CADPS: variants seen among roughly 807,000 people sequenced by gnomAD.
The protein encoded by CADPS is calcium-dependent secretion activator 1.
In CADPS, 57 loss-of-function variants were observed where a neutral mutation model predicts 167.3. The observed-to-expected ratio is 0.34, with a 90% CI of 0.28 to 0.42. The LOEUF (loss-of-function observed/expected upper bound fraction) is 0.42, where lower values mean the gene tolerates loss of function less well. CADPS is among the 20% of genes least tolerant of loss of function. The probability of loss-of-function intolerance (pLI) is 1.00; values close to 1 mark genes in which losing one functional copy is unlikely to be tolerated. For missense variants in CADPS, 1,414 were observed against 1,738.1 expected, an observed-to-expected ratio of 0.81 and a Z score of 3.32; for synonymous variants, 676 against 635.3, an observed-to-expected ratio of 1.06 and a Z score of -0.96.
chr3:62,832,105 G>C (rs2075195454), intron 1 of CADPS, among the ~76,000 whole-genome samples: 1 of 152,180 alleles, frequency 6.6e-6, no homozygotes, highest in African/African-American at 2.4e-5. Flanking sequence ...GACCTATTGG[G>C]TTAAGAGTTA....
At chr3:62,417,543 C>T (rs946819564) in intron 28 of CADPS, among the ~76,000 whole-genome samples, 1 of 151,894 alleles carries the variant, frequency 6.6e-6, no homozygotes, top group Non-Finnish European at 1.5e-5. Context: ...CCTCGGCCTC[C>T]CAAAGTGTTG....
At chr3:62,840,089 T>G (rs2076431930) in intron 1 of CADPS, among the ~76,000 whole-genome samples, 2 of 152,328 alleles carry the variant, frequency 1.3e-5, no homozygotes, top group South Asian at 4.1e-4. Flanking sequence ...ATCATGTTCA[T>G]GGACTGCTTC....
chr3:62,498,231 C>T (rs62243490), intron 18 of CADPS: 16,073 of 455,906 alleles, frequency 0.035, 352 homozygotes, highest in Non-Finnish European at 0.044. Context: ...AGGCATTAGT[C>T]GGGACGGCTG....
chr3:62,525,679 ATG>A (rs34729200), intron 13 of CADPS, among the ~76,000 whole-genome samples: 88,268 of 148,716 alleles, frequency 0.59, 26,666 homozygotes, highest in Middle Eastern at 0.67. Context: ...TAATGTCATT[ATG>A]TGTGTGTGTG....
At chr3:62,847,412 A>C (rs1306348270) in intron 1 of CADPS, among the ~76,000 whole-genome samples, 1 of 58,330 alleles carries the variant, frequency 1.7e-5, no homozygotes, top group East Asian at 6.8e-4. Context: ...ATATCTCCCA[A>C]TGCTATCCCT....
chr3:62,693,661 C>T (rs975716115), intron 3 of CADPS, among the ~76,000 whole-genome samples: 7 of 151,590 alleles, frequency 4.6e-5, no homozygotes, highest in Non-Finnish European at 8.8e-5. Context: ...GGCGCATGCC[C>T]GTAGTCCCAG....
rs115781450 is a variant in CADPS, at chr3:62,443,623, G to A, written c.3669+2142C>T. On this transcript the variant is annotated intron_variant, in intron 27 of 29. Transcript: ENST00000383710. ...TGAGTGAGTTCTCAGGAGATGTCAT[G>A]GTTTTACGGGGGCTTTTTTCCTTTC... is the stretch of plus-strand genomic sequence containing the variant. Among the ~76,000 whole-genome samples, 837 of 152,204 alleles carry A rather than the reference G, an allele frequency of 5.5e-3. 2 individuals are homozygous for A. The highest frequency in any genetic ancestry group is 0.019 in the African/African-American group (789 of 41,538).
intron 4 of CADPS, 22 bp from the exon 5 acceptor site, chr3:62,651,102 A>T: frequency 6.6e-7 from 1 of 1,524,110 alleles, no homozygotes. Flanking sequence ...AAAGAAAAGT[A>T]TGAGCAGAGG....
intron 9 of CADPS, among the ~76,000 whole-genome samples, chr3:62,565,039 G>C (rs528475325): frequency 6.6e-6 from 1 of 152,174 alleles, no homozygotes; most frequent in Non-Finnish European, 1.5e-5. Context: ...ACGGGGTGGG[G>C]CGTTCTGGCT....
chr3:62,672,744 C>T (rs1279267714), intron 3 of CADPS, among the ~76,000 whole-genome samples: 1 of 152,150 alleles, frequency 6.6e-6, no homozygotes, highest in East Asian at 1.9e-4. Flanking sequence ...CCACCACAGC[C>T]TCCTGACTAG....
At chr3:62,530,871 T>TCAAGAG (rs994701145) in intron 13 of CADPS, 1 of 949,494 alleles carries the variant, frequency 1.1e-6, no homozygotes, top group Non-Finnish European at 1.3e-6. Context: ...CATAGGAGAA[T>TCAAGAG]CAAGAGCACA....
intron 3 of CADPS, among the ~76,000 whole-genome samples, chr3:62,726,224 T>A (rs2076717386): frequency 6.6e-6 from 1 of 151,842 alleles, no homozygotes; most frequent in African/African-American, 2.4e-5. Context: ...TTGGTAACTC[T>A]GGCCTGGCAT....
At position 62,650,820 on chromosome 3, in the gene CADPS, AACTTTCAAG is replaced by A; in HGVS notation, c.1203+18_1203+26del. The A allele has an allele frequency of 6.3e-7, 1 of 1,583,108 alleles. No individual in the cohort carries two copies. The highest frequency in any genetic ancestry group is 8.7e-7 in the Non-Finnish European group (1 of 1,153,154). On this transcript the variant is annotated intron_variant, in intron 5 of 29. Transcript: ENST00000383710. ...CCATGTCCTACTTGCTGTGCCAAGA[AACTTTCAAG>A]GGCTCAGGGCTTTTTACCTCCAATG...
At chr3:62,704,217 T>G (rs770181643) in intron 3 of CADPS, among the ~76,000 whole-genome samples, 4 of 152,062 alleles carry the variant, frequency 2.6e-5, no homozygotes, top group African/African-American at 9.7e-5. Context: ...TAAAATAGGG[T>G]TTGAGACAGT....
At chr3:62,488,417 A>G (rs77063116) in intron 21 of CADPS, among the ~76,000 whole-genome samples, 5 of 152,176 alleles carry the variant, frequency 3.3e-5, no homozygotes, top group African/African-American at 1.2e-4. Context: ...CTGTTTAAAA[A>G]TCGGCTGATA....
intron 1 of CADPS, among the ~76,000 whole-genome samples, chr3:62,869,803 G>T (rs1316304671): frequency 1.3e-5 from 2 of 152,068 alleles, no homozygotes; most frequent in African/African-American, 2.4e-5. Context: ...TTATTTCTAG[G>T]TTAGAACTCT....
chr3:62,872,585 A>G (rs971152330), intron 1 of CADPS, among the ~76,000 whole-genome samples: 5 of 152,154 alleles, frequency 3.3e-5, no homozygotes, highest in African/African-American at 4.8e-5. Context: ...CCCGTGTAAA[A>G]ATGCAAACAG....
At chr3:62,469,369 G>A (rs2060305360) in intron 24 of CADPS, among the ~76,000 whole-genome samples, 1 of 151,996 alleles carries the variant, frequency 6.6e-6, no homozygotes, top group Non-Finnish European at 1.5e-5. Context: ...CCATGAAGGG[G>A]TATATATATA....
At chr3:62,468,073 G>C (rs1041941546) in intron 24 of CADPS, among the ~76,000 whole-genome samples, 17 of 152,088 alleles carry the variant, frequency 1.1e-4, no homozygotes, top group African/African-American at 4.1e-4. Context: ...TGGCTATACT[G>C]CTAGATTCAA....
Sources: gnomAD v4.1 joint callset for allele counts (sites outside exome capture counted in the v4.1 genomes callset) on GRCh38, gnomAD v4.1.1 for gene constraint, MANE v1.5 for transcripts, NCBI Gene and HGNC (gene_info 2026-07-23, HGNC 2026-07-21) for gene names.